ANKS1B: variants seen among roughly 807,000 people sequenced by gnomAD.
The protein encoded by ANKS1B is ankyrin repeat and sterile alpha motif domain-containing protein 1B.
A neutral mutation model predicts 148.3 loss-of-function variants in ANKS1B; 36 were observed. That is an observed-to-expected ratio of 0.24 (90% CI 0.19 to 0.32). The LOEUF is 0.32. ANKS1B is among the 10% of genes least tolerant of loss of function. The probability of loss-of-function intolerance (pLI) is 1.00; values close to 1 mark genes in which losing one functional copy is unlikely to be tolerated. For synonymous variants in ANKS1B, 542 were observed against 560.8 expected (o/e 0.97, Z 0.47); for missense variants, 1,157 against 1,542.6 (o/e 0.75, Z 4.19).
At chr12:99,763,604 C>T (rs1387552539) in intron 8 of ANKS1B, among the ~76,000 whole-genome samples, 1 of 151,754 alleles carries the variant, frequency 6.6e-6, no homozygotes, top group African/African-American at 2.4e-5. Flanking sequence ...ATCCCAGTGA[C>T]ACACAGTTTA....
chr12:99,197,747 A>G (rs542079059), intron 14 of ANKS1B, among the ~76,000 whole-genome samples: 1 of 152,300 alleles, frequency 6.6e-6, no homozygotes, highest in East Asian at 1.9e-4. Flanking sequence ...ATGCAAGGAA[A>G]TGGATTTTTT....
chr12:99,348,471 G>C (rs1592818931), intron 12 of ANKS1B, among the ~76,000 whole-genome samples: 1 of 151,300 alleles, frequency 6.6e-6, no homozygotes, highest in East Asian at 2.1e-4. Flanking sequence ...CAAATACCAA[G>C]TAAGATAAAC....
At chr12:98,923,106 C>T (rs1273652484) in intron 17 of ANKS1B, among the ~76,000 whole-genome samples, 1 of 152,036 alleles carries the variant, frequency 6.6e-6, no homozygotes, top group Admixed American at 6.6e-5. Context: ...TAGATTAATG[C>T]CTTCCTGCTA....
At chr12:98,737,231 TTC>T (rs1439274446) in intron 9 of ANKS1B, among the ~76,000 whole-genome samples, 2 of 152,210 alleles carry the variant, frequency 1.3e-5, no homozygotes, top group African/African-American at 4.8e-5. Context: ...CACATTAAAC[TTC>T]TCTGTTTAAA....
At position 99,510,288 on chromosome 12, in the gene ANKS1B, T is replaced by C. The variant is rs139883781; in HGVS notation, c.1273-5647A>G. ...TTAAGAAATACATTATATAAGGCTATAGCTGTCATAGAAAGTGATTCCTCT... is the reference window on the plus strand; with the variant it reads ...TTAAGAAATACATTATATAAGGCTACAGCTGTCATAGAAAGTGATTCCTCT... On this transcript the variant is annotated intron_variant, in intron 9 of 26. Coordinates refer to ENST00000683438, the MANE Select transcript of ANKS1B (RefSeq NM_001352186.2). 2.6e-3 allele frequency among the ~76,000 whole-genome samples: 395 copies of C among 152,098 alleles called. 2 individuals are homozygous for C. Among genetic ancestry groups the C allele is most frequent in the African/African-American group, 9.1e-3 (378 of 41,518 alleles).
intron 1 of ANKS1B, among the ~76,000 whole-genome samples, chr12:99,892,963 A>C (rs572471512): frequency 8.7e-4 from 133 of 152,330 alleles, no homozygotes; most frequent in African/African-American, 2.9e-3. Context: ...AGATGCTGAC[A>C]TTAGAGGACC....
At chr12:99,384,675 A>G (rs1041989545) in intron 12 of ANKS1B, among the ~76,000 whole-genome samples, 7 of 136,418 alleles carry the variant, frequency 5.1e-5, no homozygotes, top group Non-Finnish European at 1.1e-4. Context: ...CTTCCTCACC[A>G]TGTTCCATCA....
intron 1 of ANKS1B, among the ~76,000 whole-genome samples, chr12:99,979,588 C>T (rs891589873): frequency 1.3e-5 from 2 of 151,938 alleles, no homozygotes; most frequent in South Asian, 4.1e-4. Context: ...ATATCCAGAC[C>T]CAGAAGAATT....
intron 9 of ANKS1B, among the ~76,000 whole-genome samples, chr12:98,737,963 C>G (rs1435204679): frequency 6.6e-6 from 1 of 152,176 alleles, no homozygotes; most frequent in Non-Finnish European, 1.5e-5. Context: ...GGAATACATT[C>G]CTTGCTCATA....
chr12:98,859,290 T>C (rs2099587153), intron 17 of ANKS1B, among the ~76,000 whole-genome samples: 1 of 152,260 alleles, frequency 6.6e-6, no homozygotes, highest in African/African-American at 2.4e-5. Context: ...AGAAATATTT[T>C]GAAACTTCTC....
chr12:99,441,135 C>T (rs1298911365), intron 11 of ANKS1B, among the ~76,000 whole-genome samples: 1 of 151,726 alleles, frequency 6.6e-6, no homozygotes, highest in Admixed American at 6.6e-5. Context: ...AATCTAACTC[C>T]ACACTTTCTG....
intron 24 of ANKS1B, among the ~76,000 whole-genome samples, chr12:98,777,548 C>T (rs147481287): frequency 5.1e-4 from 77 of 152,296 alleles, no homozygotes; most frequent in African/African-American, 1.8e-3. Flanking sequence ...AGTTGCAGTC[C>T]CCCAGGCCGA....
At chr12:99,338,922 C>T (rs1180994506) in intron 12 of ANKS1B, among the ~76,000 whole-genome samples, 3 of 152,110 alleles carry the variant, frequency 2.0e-5, no homozygotes, top group Non-Finnish European at 4.4e-5. Flanking sequence ...ATGAAGTCCC[C>T]TTTACTCTCC....
chr12:99,697,239 G>GA (rs1205574692), intron 8 of ANKS1B, among the ~76,000 whole-genome samples: 1 of 152,052 alleles, frequency 6.6e-6, no homozygotes, highest in African/African-American at 2.4e-5. Context: ...TTTCATTTGA[G>GA]AATTTATCCA....
At chr12:99,356,157 C>T (rs2152409458) in intron 12 of ANKS1B, among the ~76,000 whole-genome samples, 1 of 152,116 alleles carries the variant, frequency 6.6e-6, no homozygotes, top group Admixed American at 6.6e-5. Flanking sequence ...ATATAGATGC[C>T]CAACGAAGAC....
At chr12:99,488,348 CTTT>C (rs1423284533) in intron 10 of ANKS1B, among the ~76,000 whole-genome samples, 1 of 152,054 alleles carries the variant, frequency 6.6e-6, no homozygotes, top group Admixed American at 6.5e-5. Flanking sequence ...CATGTTTCTT[CTTT>C]GCTTCACTCT....
At chr12:98,818,831 G>A (rs1048665507) in intron 19 of ANKS1B, among the ~76,000 whole-genome samples, 7 of 152,094 alleles carry the variant, frequency 4.6e-5, no homozygotes, top group African/African-American at 1.7e-4. Context: ...TCCTGCTTCT[G>A]ACAGAAAAGA....
chr12:99,591,957 A>G (rs971765541), intron 9 of ANKS1B, among the ~76,000 whole-genome samples: 1 of 152,186 alleles, frequency 6.6e-6, no homozygotes, highest in African/African-American at 2.4e-5. Context: ...TCTTTAGACA[A>G]TGTTTCAGCT....
At chr12:99,493,796 A>G (rs1255450973) in intron 10 of ANKS1B, among the ~76,000 whole-genome samples, 1 of 152,188 alleles carries the variant, frequency 6.6e-6, no homozygotes, top group Non-Finnish European at 1.5e-5. Context: ...TAAGTAAATA[A>G]GTAGATGATA....
Sources: gnomAD v4.1 joint callset for allele counts (sites outside exome capture counted in the v4.1 genomes callset) on GRCh38, gnomAD v4.1.1 for gene constraint, MANE v1.5 for transcripts, NCBI Gene and HGNC (gene_info 2026-07-23, HGNC 2026-07-21) for gene names.